LMBR1: variants seen among roughly 807,000 people sequenced by gnomAD.
The protein encoded by LMBR1 is limb region 1 protein homolog.
Under a neutral mutation model 73.9 loss-of-function variants are expected in LMBR1, and 52 were observed. The ratio of observed to expected loss-of-function variants is 0.70; its 90% confidence interval spans 0.56 to 0.89. The LOEUF (loss-of-function observed/expected upper bound fraction) is 0.89. Ranked by LOEUF, LMBR1 falls within the 40% of genes least tolerant of loss-of-function variation. LMBR1 has a pLI of 0.00. For missense variants in LMBR1, 539 were observed against 579.8 expected (o/e 0.93, Z 0.72); for synonymous variants, 215 against 209.4 (o/e 1.03, Z -0.23).
At chr7:156,825,832 C>T (rs942458515) in intron 4 of LMBR1, among the ~76,000 whole-genome samples, 6 of 152,184 alleles carry the variant, frequency 3.9e-5, no homozygotes, top group African/African-American at 7.2e-5. Flanking sequence ...CAGGAAGCCG[C>T]GGTGAGAGGA....
At chr7:156,731,442 T>C (rs1816816103) in intron 10 of LMBR1, among the ~76,000 whole-genome samples, 1 of 152,082 alleles carries the variant, frequency 6.6e-6, no homozygotes. Context: ...GAAAGATAAA[T>C]ACAAAGAAAA....
chr7:156,778,295 C>G (rs80005641), intron 5 of LMBR1, among the ~76,000 whole-genome samples: 1 of 152,122 alleles, frequency 6.6e-6, no homozygotes, highest in Admixed American at 6.5e-5. Context: ...AAGGCTGCCA[C>G]GGTACAAGCC....
chr7:156,672,012 A>G (rs1802662821), intron 4 of LMBR1, among the ~76,000 whole-genome samples: 1 of 152,094 alleles, frequency 6.6e-6, no homozygotes, highest in African/African-American at 2.4e-5. Context: ...GGAAAGGAAT[A>G]TTTGCGTCTG....
At chr7:156,733,581 C>T (rs1050772701) in intron 10 of LMBR1, among the ~76,000 whole-genome samples, 2 of 151,722 alleles carry the variant, frequency 1.3e-5, no homozygotes, top group African/African-American at 4.8e-5. Flanking sequence ...AGTGAAGACA[C>T]AGCTATAGAC....
chr7:156,817,566 G>T (rs1315616459), intron 4 of LMBR1, among the ~76,000 whole-genome samples: 1 of 151,942 alleles, frequency 6.6e-6, no homozygotes, highest in African/African-American at 2.4e-5. Context: ...TTCAGAATTA[G>T]AATAGCCTCT....
At chr7:156,877,755 C>A (rs906981502) in intron 1 of LMBR1, among the ~76,000 whole-genome samples, 2 of 151,932 alleles carry the variant, frequency 1.3e-5, no homozygotes, top group Non-Finnish European at 2.9e-5. Context: ...CGGTGGCAGG[C>A]GCCTGTAGTC....
At chr7:156,710,632 C>A (rs1811882575) in intron 15 of LMBR1, among the ~76,000 whole-genome samples, 1 of 152,166 alleles carries the variant, frequency 6.6e-6, no homozygotes, top group Admixed American at 6.5e-5. Context: ...AACTTCCTTG[C>A]TAGATATGCA....
intron 1 of LMBR1, among the ~76,000 whole-genome samples, chr7:156,892,311 G>A (rs1024710674): frequency 2.0e-5 from 3 of 152,248 alleles, no homozygotes; most frequent in African/African-American, 7.2e-5. Flanking sequence ...AAGAGGGATG[G>A]AAACGTGAGG....
At chr7:156,673,655 T>C (rs1288108139), downstream of LMBR1, among the ~76,000 whole-genome samples, 1 of 152,190 alleles carries the variant, frequency 6.6e-6, no homozygotes, top group African/African-American at 2.4e-5. Flanking sequence ...CCAACCCTTG[T>C]GGACTGCCTG....
rs56137174 is a variant in LMBR1, at chr7:156,688,442, C to T, written c.1226-251G>A. ...TGATGAGTAATGAGGTCAGAATGAA[C>T]GCCCCTCGACATTCGACGGAACTCA... is the stretch of plus-strand genomic sequence containing the variant. On this transcript the variant is annotated intron_variant, in intron 15 of 16. Transcript: ENST00000353442. Among the ~76,000 whole-genome samples the T allele has an allele frequency of 0.034, 5,236 of 152,116 alleles. 137 individuals are homozygous for T. Among genetic ancestry groups the T allele is most frequent in the Non-Finnish European group, 0.044 (3,022 of 68,008 alleles).
At chr7:156,812,921 T>C (rs933361049) in intron 4 of LMBR1, among the ~76,000 whole-genome samples, 3 of 152,140 alleles carry the variant, frequency 2.0e-5, no homozygotes, top group African/African-American at 4.8e-5. Context: ...AGTGTGGAAA[T>C]TCTCTCAAGG....
At chr7:156,783,260 C>T (rs1280571835) in intron 5 of LMBR1, among the ~76,000 whole-genome samples, 1 of 152,176 alleles carries the variant, frequency 6.6e-6, no homozygotes, top group Non-Finnish European at 1.5e-5. Context: ...CAGCTTCAAA[C>T]TCCTGGGCTC....
downstream of LMBR1, among the ~76,000 whole-genome samples, chr7:156,677,292 C>T (rs1228759468): frequency 1.3e-5 from 2 of 151,956 alleles, no homozygotes; most frequent in Non-Finnish European, 2.9e-5. Context: ...GTTAGGTTAC[C>T]CCTAGCCGAG....
At chr7:156,740,915 C>T (rs763676224) in intron 9 of LMBR1, among the ~76,000 whole-genome samples, 2 of 152,072 alleles carry the variant, frequency 1.3e-5, no homozygotes, top group Admixed American at 6.6e-5. Context: ...GATTAAATGA[C>T]GAACCAATCA....
At chr7:156,847,250 G>C (rs541958991) in intron 1 of LMBR1, among the ~76,000 whole-genome samples, 6 of 152,234 alleles carry the variant, frequency 3.9e-5, no homozygotes, top group Non-Finnish European at 7.4e-5. Flanking sequence ...AATGAATCTA[G>C]ACATAGACCT....
chr7:156,690,861 A>G (rs1807029306), intron 15 of LMBR1, among the ~76,000 whole-genome samples: 1 of 152,194 alleles, frequency 6.6e-6, no homozygotes, highest in Admixed American at 6.5e-5. Context: ...CTGGACCACA[A>G]GAAACCTTAA....
intron 1 of LMBR1, among the ~76,000 whole-genome samples, chr7:156,847,038 C>T (rs954564346): frequency 1.3e-5 from 2 of 151,998 alleles, no homozygotes; most frequent in African/African-American, 4.8e-5. Context: ...CATTATAAGG[C>T]TACAATAATT....
chr7:156,891,229 T>C (rs190142288), intron 1 of LMBR1, among the ~76,000 whole-genome samples: 15,265 of 80,628 alleles, frequency 0.19, 2,001 homozygotes, highest in East Asian at 0.38. Flanking sequence ...TATATATATA[T>C]ATATACACAC....
At chr7:156,671,985 A>G (rs1802658147) in intron 4 of LMBR1, among the ~76,000 whole-genome samples, 2 of 152,222 alleles carry the variant, frequency 1.3e-5, no homozygotes, top group Admixed American at 1.3e-4. Flanking sequence ...GGAATGGAAT[A>G]TTTCATCAAA....
Sources: allele counts gnomAD v4.1 joint callset (sites outside exome capture counted in the v4.1 genomes callset), GRCh38; gene constraint gnomAD v4.1.1; transcripts MANE v1.5; gene names NCBI Gene and HGNC (gene_info 2026-07-23, HGNC 2026-07-21).